IL1RAPL1: variants seen among roughly 807,000 people sequenced by gnomAD.
IL1RAPL1 encodes the protein interleukin-1 receptor accessory protein-like 1.
In IL1RAPL1, 3 loss-of-function variants were observed where a neutral mutation model predicts 48.4. That is an observed-to-expected ratio of 0.06 (90% CI 0.03 to 0.16). IL1RAPL1 has a LOEUF of 0.16. Among genes scored for constraint, IL1RAPL1 ranks in the 10% least tolerant of loss-of-function variants. The probability of loss-of-function intolerance (pLI) is 1.00; values close to 1 mark genes in which losing one functional copy is unlikely to be tolerated. For missense variants in IL1RAPL1, 349 were observed against 530.6 expected (o/e 0.66, Z 3.36); for synonymous variants, 185 against 187.7 (o/e 0.99, Z 0.12).
intron 2 of IL1RAPL1, among the ~76,000 whole-genome samples, chrX:28,792,987 G>A (rs1936570452): frequency 9.6e-6 from 1 of 103,822 alleles, no homozygotes; most frequent in African/African-American, 3.5e-5. Flanking sequence ...GGTCTCTCAG[G>A]TAAAGTCCTA....
chrX:29,862,551 C>T (rs1028200146), intron 6 of IL1RAPL1, among the ~76,000 whole-genome samples: 1 of 110,952 alleles, frequency 9.0e-6, no homozygotes, highest in Admixed American at 9.6e-5. Context: ...CCCTCAGGCC[C>T]ATCACTTCTC....
chrX:29,499,079 T>C (rs955585796), intron 5 of IL1RAPL1, among the ~76,000 whole-genome samples: 1 of 112,114 alleles, frequency 8.9e-6, no homozygotes, highest in Non-Finnish European at 1.9e-5. Context: ...GGAGATAATA[T>C]CTTGGGTCTC....
chrX:29,158,208 A>T (rs973691642), intron 2 of IL1RAPL1, among the ~76,000 whole-genome samples: 5 of 111,612 alleles, frequency 4.5e-5, no homozygotes, highest in Admixed American at 3.8e-4. Context: ...AAACATTTGT[A>T]CTTTGTCTAA....
chrX:29,448,662 G>A (rs1455185919), intron 5 of IL1RAPL1, among the ~76,000 whole-genome samples: 5 of 112,014 alleles, frequency 4.5e-5, no homozygotes, highest in Non-Finnish European at 9.4e-5. Flanking sequence ...AGGGAAATGG[G>A]AATAGCTAGC....
intron 2 of IL1RAPL1, among the ~76,000 whole-genome samples, chrX:29,008,645 TG>T (rs1484608301): frequency 8.9e-6 from 1 of 112,190 alleles, no homozygotes; most frequent in Non-Finnish European, 1.9e-5. Flanking sequence ...TCTTTTTCAA[TG>T]ATTCTTTTAT....
chrX:29,368,353 A>G (rs1041266412), intron 3 of IL1RAPL1, among the ~76,000 whole-genome samples: 17 of 111,973 alleles, frequency 1.5e-4, no homozygotes, highest in Admixed American at 9.5e-4. Flanking sequence ...CTTTGATTCA[A>G]TGCTTGTGTG....
intron 2 of IL1RAPL1, among the ~76,000 whole-genome samples, chrX:29,236,842 T>A (rs1309904798): frequency 9.2e-6 from 1 of 109,289 alleles, no homozygotes; most frequent in African/African-American, 3.3e-5. Context: ...GTGCTGGGAT[T>A]ACAGGCATGA....
intron 2 of IL1RAPL1, among the ~76,000 whole-genome samples, chrX:28,931,460 T>A (rs1447722922): frequency 4.5e-5 from 5 of 112,248 alleles, no homozygotes; most frequent in Non-Finnish European, 3.8e-5. Context: ...ATTATGAATA[T>A]TTTCTTCCAA....
chrX:29,144,819 C>T (rs1249776910), intron 2 of IL1RAPL1, among the ~76,000 whole-genome samples: 10 of 105,593 alleles, frequency 9.5e-5, no homozygotes, highest in African/African-American at 3.5e-5. Flanking sequence ...CTCCGCCTCC[C>T]GGGTTCAAGG....
At chrX:29,218,572 T>G (rs180951000) in intron 2 of IL1RAPL1, among the ~76,000 whole-genome samples, 1 of 111,842 alleles carries the variant, frequency 8.9e-6, no homozygotes, top group Non-Finnish European at 1.9e-5. Flanking sequence ...CCAAGAAATA[T>G]AAACCTAAAA....
chrX:29,534,590 T>G (rs1009892110), intron 5 of IL1RAPL1, among the ~76,000 whole-genome samples: 4 of 111,352 alleles, frequency 3.6e-5, no homozygotes, highest in Non-Finnish European at 7.5e-5. Context: ...ATCCCAGCAC[T>G]TTGGGAGGCC....
At chrX:28,654,763 T>G (rs1271863679) in intron 1 of IL1RAPL1, among the ~76,000 whole-genome samples, 1 of 112,166 alleles carries the variant, frequency 8.9e-6, no homozygotes, top group East Asian at 2.8e-4. Flanking sequence ...CCCTGTGAGA[T>G]CCTTTAAACA....
chrX:29,296,398 G>A (rs1300106354), intron 3 of IL1RAPL1, among the ~76,000 whole-genome samples: 1 of 111,431 alleles, frequency 9.0e-6, no homozygotes, highest in Non-Finnish European at 1.9e-5. Context: ...AGCCATTTTT[G>A]TAAGAGCCAA....
intron 5 of IL1RAPL1, among the ~76,000 whole-genome samples, chrX:29,561,752 C>G (rs1277360451): frequency 9.0e-6 from 1 of 111,254 alleles, no homozygotes; most frequent in Non-Finnish European, 1.9e-5. Context: ...TGGGACCTCT[C>G]CCCTGGTCCC....
chrX:29,750,868 G>T (rs1429567480), intron 6 of IL1RAPL1, among the ~76,000 whole-genome samples: 1 of 110,613 alleles, frequency 9.0e-6, no homozygotes. Context: ...TTTATCTCAG[G>T]TATCTCATTG....
intron 3 of IL1RAPL1, among the ~76,000 whole-genome samples, chrX:29,371,656 A>G (rs1184999160): frequency 9.0e-6 from 1 of 111,328 alleles, no homozygotes; most frequent in Non-Finnish European, 1.9e-5. Flanking sequence ...TGAGTGCTCA[A>G]TATTTAGCTC....
At chrX:29,072,998 C>T (rs1032219411) in intron 2 of IL1RAPL1, among the ~76,000 whole-genome samples, 4 of 111,561 alleles carry the variant, frequency 3.6e-5, no homozygotes, top group Admixed American at 2.9e-4. Context: ...TCACAGTCAC[C>T]CTGCACAGCA....
At chrX:28,717,918 G>A (rs1439562244) in intron 1 of IL1RAPL1, among the ~76,000 whole-genome samples, 7 of 111,433 alleles carry the variant, frequency 6.3e-5, no homozygotes, top group Admixed American at 4.8e-4. Flanking sequence ...TCCACAATGA[G>A]CTTCCTGAAA....
chrX:29,488,404 C>T (rs915265699), intron 5 of IL1RAPL1, among the ~76,000 whole-genome samples: 4 of 112,193 alleles, frequency 3.6e-5, no homozygotes, highest in Admixed American at 9.4e-5. Context: ...TGCTACTGCA[C>T]TCCAGTCTGG....
Sources: gnomAD v4.1 joint callset for allele counts (sites outside exome capture counted in the v4.1 genomes callset) on GRCh38, gnomAD v4.1.1 for gene constraint, MANE v1.5 for transcripts, NCBI Gene and HGNC (gene_info 2026-07-23, HGNC 2026-07-21) for gene names.